Variants in DOCK1 observed in about 807,000 individuals in gnomAD.
DOCK1 encodes dedicator of cytokinesis protein 1.
A neutral mutation model predicts 262.7 loss-of-function variants in DOCK1; 138 were observed. That is an observed-to-expected ratio of 0.53 (90% CI 0.46 to 0.61). The LOEUF (loss-of-function observed/expected upper bound fraction) is 0.61, where lower values mean the gene tolerates loss of function less well. Ranked by LOEUF, DOCK1 falls within the 20% of genes least tolerant of loss-of-function variation. The probability of loss-of-function intolerance (pLI) is 0.00; values close to 1 mark genes in which losing one functional copy is unlikely to be tolerated. For missense variants in DOCK1, 1,908 were observed against 2,370.7 expected (o/e 0.80, Z 4.05); for synonymous variants, 866 against 867.4 (o/e 1.00, Z 0.03).
In DOCK1 at chr10:127,175,624, C is replaced by T. The variant is rs767778753; in HGVS notation, c.2847+47860C>T. ...GGGGCCCTGGCACTGAGGGCAGGTG[C>T]GTAAACGGTGGCAACCTCCGTTTTA... On this transcript the variant is annotated intron_variant, in intron 27 of 51. Coordinates refer to ENST00000623213, the MANE Select transcript of DOCK1 (RefSeq NM_001290223.2). This position sits in a 1 kb window ranked among gnomAD's most constrained non-coding sequence, Gnocchi z 6.3. 4.6e-5 allele frequency: 74 copies of T among 1,612,928 alleles called. No individual in the cohort carries two copies. Among genetic ancestry groups the T allele is most frequent in the East Asian group, 6.7e-5 (3 of 44,874 alleles).
At chr10:127,276,588 G>A (rs749866821) in intron 29 of DOCK1, among the ~76,000 whole-genome samples, 14 of 152,092 alleles carry the variant, frequency 9.2e-5, no homozygotes, top group Non-Finnish European at 2.1e-4. Context: ...CTGGTGACAC[G>A]GACATTTCAG....
chr10:127,219,391 T>G (rs2134419342), intron 27 of DOCK1, among the ~76,000 whole-genome samples: 1 of 152,288 alleles, frequency 6.6e-6, no homozygotes, highest in South Asian at 2.1e-4. Context: ...GCCTACTTGC[T>G]TAGGCCAATT....
chr10:126,978,860 A>G (rs2038743145), intron 3 of DOCK1, among the ~76,000 whole-genome samples: 1 of 152,156 alleles, frequency 6.6e-6, no homozygotes, highest in Non-Finnish European at 1.5e-5. Flanking sequence ...CCCAAGTGCC[A>G]GGGTCCTTCC....
intron 27 of DOCK1, among the ~76,000 whole-genome samples, chr10:127,187,068 C>T (rs1317628420): frequency 6.6e-6 from 1 of 152,220 alleles, no homozygotes. Flanking sequence ...ACAATTCACC[C>T]CGGGGCAAAA....
At chr10:127,411,286 G>A (rs1436633757) in intron 43 of DOCK1, among the ~76,000 whole-genome samples, 9 of 152,182 alleles carry the variant, frequency 5.9e-5, no homozygotes, top group East Asian at 3.9e-4. Flanking sequence ...GGGTGCTGAC[G>A]TGGCTTTCTG....
At chr10:127,116,078 G>A (rs1213585793) in intron 25 of DOCK1, among the ~76,000 whole-genome samples, 3 of 152,076 alleles carry the variant, frequency 2.0e-5, no homozygotes, top group African/African-American at 7.2e-5. Context: ...TAGATAGATT[G>A]CTTTTCTGTA....
At position 127,355,673 on chromosome 10, in the gene DOCK1, G is replaced by C. The variant is rs73384665; in HGVS notation, c.3283+946G>C. On this transcript the variant is annotated intron_variant, in intron 32 of 51. Transcript: ENST00000623213. ...CTTTTCCTACTAGAAGGAGGCAGGG[G>C]TCTGTCCGCATCACTCTGTTAGCCT... is the stretch of plus-strand genomic sequence containing the variant. Among the ~76,000 whole-genome samples the C allele has an allele frequency of 5.4e-3, 828 of 152,304 alleles. 2 individuals carry two copies. The highest frequency in any genetic ancestry group is 0.019 in the African/African-American group (793 of 41,572).
At chr10:126,938,147 A>G (rs1257645857) in intron 1 of DOCK1, among the ~76,000 whole-genome samples, 1 of 151,992 alleles carries the variant, frequency 6.6e-6, no homozygotes, top group Non-Finnish European at 1.5e-5. Context: ...CCTGGGTTCA[A>G]GCTATTCTCC....
chr10:127,229,817 G>A (rs115426967), intron 27 of DOCK1, among the ~76,000 whole-genome samples: 2,017 of 152,168 alleles, frequency 0.013, 51 homozygotes, highest in African/African-American at 0.046. Context: ...TGTGCTTTCC[G>A]TAATGGCTGT....
rs1212502619 is a variant in DOCK1, at chr10:127,176,763, A to G, written c.2847+48999A>G. 2 of 181,418 alleles carry G rather than the reference A, an allele frequency of 1.1e-5. No homozygotes were observed. The highest frequency in any genetic ancestry group is 3.1e-4 in the East Asian group (2 of 6,552). 11.2% of individuals were successfully genotyped at this position (181,418 alleles called of 1,614,324 possible). A position where few individuals can be genotyped will look rare whatever the true frequency, so the allele number is the denominator to read the frequency against. On this transcript the variant is annotated intron_variant, in intron 27 of 51. Transcript: ENST00000623213. This position sits in a 1 kb window ranked among gnomAD's most constrained non-coding sequence, Gnocchi z 4.4. Reference sequence around the variant, plus strand: ...TTTCACACGCGTGACTCCCCTTCTTAGGCAGATGGTTTACCAAGTGCTACT... The same window carrying G: ...TTTCACACGCGTGACTCCCCTTCTTGGGCAGATGGTTTACCAAGTGCTACT...
At position 127,175,888 on chromosome 10, in the gene DOCK1, T is replaced by G. The variant is rs868339889; in HGVS notation, c.2847+48124T>G. On this transcript the variant is annotated intron_variant, in intron 27 of 51. Transcript: ENST00000623213. The surrounding 1 kb of genome is among the most constrained non-coding windows in gnomAD (Gnocchi z 6.3). ...TTGGAATGGAAAACCAAGGCTGTGG[T>G]CTTGTGCACCCGCCCCGCGCCACAT... is the stretch of plus-strand genomic sequence containing the variant. 1.2e-6 allele frequency: 2 copies of G among 1,614,118 alleles called. No homozygotes were observed. Among genetic ancestry groups the G allele is most frequent in the African/African-American group, 2.7e-5 (2 of 75,034 alleles).
At chr10:127,076,166 G>A (rs1317150913) in intron 23 of DOCK1, among the ~76,000 whole-genome samples, 1 of 152,152 alleles carries the variant, frequency 6.6e-6, no homozygotes, top group Admixed American at 6.6e-5. Flanking sequence ...CTGACAGCAA[G>A]TGACACCAAA....
intron 26 of DOCK1, among the ~76,000 whole-genome samples, chr10:127,126,086 C>CT (rs11307702): frequency 0.015 from 2,045 of 135,332 alleles, 46 homozygotes; most frequent in African/African-American, 0.052. Context: ...TACCCTATTC[C>CT]TTTTTTTTTT....
At chr10:127,315,406 G>A (rs55903731) in intron 29 of DOCK1, among the ~76,000 whole-genome samples, 3,322 of 152,038 alleles carry the variant, frequency 0.022, 124 homozygotes, top group African/African-American at 0.076. Context: ...TGTCTTTATA[G>A]CAAGAAGAGA....
At chr10:127,423,306 T>A (rs1380153368) in intron 46 of DOCK1, among the ~76,000 whole-genome samples, 1 of 152,190 alleles carries the variant, frequency 6.6e-6, no homozygotes, top group African/African-American at 2.4e-5. Flanking sequence ...TGCAGAGTTT[T>A]CATCACCGAT....
intron 25 of DOCK1, among the ~76,000 whole-genome samples, chr10:127,125,240 T>A (rs757619166): frequency 6.6e-5 from 10 of 152,258 alleles, no homozygotes; most frequent in Admixed American, 2.0e-4. Flanking sequence ...AATTATTATC[T>A]GTTTACCTGG....
chr10:127,246,375 A>G (rs1407564684), intron 27 of DOCK1, among the ~76,000 whole-genome samples: 1 of 152,206 alleles, frequency 6.6e-6, no homozygotes, highest in East Asian at 1.9e-4. Flanking sequence ...TATTAAAGTG[A>G]CAGTGTTGTT....
At chr10:127,094,356 A>G (rs1368497573) in intron 23 of DOCK1, among the ~76,000 whole-genome samples, 1 of 152,242 alleles carries the variant, frequency 6.6e-6, no homozygotes, top group South Asian at 2.1e-4. Flanking sequence ...CATGCACTGC[A>G]TATGGGAGTG....
chr10:127,244,877 A>G (rs1233482941), intron 27 of DOCK1, among the ~76,000 whole-genome samples: 2 of 152,214 alleles, frequency 1.3e-5, no homozygotes, highest in Non-Finnish European at 2.9e-5. Context: ...CCCATTGTCT[A>G]GAAGATAAAA....
Sources: allele counts gnomAD v4.1 joint callset (sites outside exome capture counted in the v4.1 genomes callset), GRCh38; gene constraint gnomAD v4.1.1; non-coding constraint Gnocchi (gnomAD v3.1); transcripts MANE v1.5; gene names NCBI Gene and HGNC (gene_info 2026-07-23, HGNC 2026-07-21).